The following FRMD4A variants were observed in gnomAD, a reference collection of about 807,000 sequenced individuals.
FRMD4A encodes the protein FERM domain containing 4A, also known as FERM domain-containing protein 4A.
A neutral mutation model predicts 129.1 loss-of-function variants in FRMD4A; 29 were observed. The observed-to-expected ratio is 0.22, with a 90% CI of 0.17 to 0.31. The LOEUF (loss-of-function observed/expected upper bound fraction) is 0.31. Ranked by LOEUF, FRMD4A falls within the 10% of genes least tolerant of loss-of-function variation. FRMD4A has a pLI of 1.00. For missense variants in FRMD4A, 1,272 were observed against 1,375.8 expected (o/e 0.92, Z 1.19); for synonymous variants, 634 against 571.6 (o/e 1.11, Z -1.56).
intron 2 of FRMD4A, among the ~76,000 whole-genome samples, chr10:14,024,801 A>G (rs1195796906): frequency 2.0e-5 from 3 of 152,246 alleles, no homozygotes; most frequent in African/African-American, 7.2e-5. Context: ...GGTGAAAGCA[A>G]GAGTGGGGAA....
Position 13,651,933 on chromosome 10 carries a change from G to A in FRMD4A, c.3092C>T (p.Ser1031Phe). 3 of 1,596,956 alleles carry A rather than the reference G, an allele frequency of 1.9e-6. No homozygotes were observed. Among genetic ancestry groups the A allele is most frequent in the Non-Finnish European group, 2.6e-6 (3 of 1,164,286 alleles). ...TTCATCAGTACTTTGGTGAGGTGGA[G>A]ACTCAGACCCATCCAGAATGGGTGA... ...ENSPILDGSE[S>F]PPHQSTDE The change falls in exon 24 of 25, where the codon TCT (serine) becomes TTT (phenylalanine). Residue 1031 changes from serine (S) to phenylalanine (F), a missense_variant. Ser to Phe is a radical substitution (Grantham distance 155). This residue lies in a region of FRMD4A where 972 missense variants were observed against 892.3 expected (regional missense o/e 1.09). Coordinates refer to ENST00000357447, the MANE Select transcript of FRMD4A (RefSeq NM_018027.5).
intron 2 of FRMD4A, among the ~76,000 whole-genome samples, chr10:13,977,728 A>C (rs4750441): frequency 6.6e-6 from 1 of 151,968 alleles, no homozygotes; most frequent in African/African-American, 2.4e-5. Context: ...TAGATTTGCC[A>C]CTTTTGGACA....
At chr10:14,121,148 A>C (rs1398692291) in intron 2 of FRMD4A, among the ~76,000 whole-genome samples, 1 of 152,060 alleles carries the variant, frequency 6.6e-6, no homozygotes, top group Non-Finnish European at 1.5e-5. Context: ...TGGGTGGATC[A>C]CCTGAGGTCA....
In FRMD4A at chr10:13,903,000, C is replaced by G. The variant is rs750131824; in HGVS notation, c.46-44088G>C. On this transcript the variant is annotated intron_variant, in intron 2 of 24. Coordinates refer to ENST00000357447, the MANE Select transcript of FRMD4A (RefSeq NM_018027.5). Reference sequence around the variant, plus strand: ...TTGATCCTGCTGATTGGAGCTTACACTCAGCACAATTTTCCTACCTCTTGG... The same window carrying G: ...TTGATCCTGCTGATTGGAGCTTACAGTCAGCACAATTTTCCTACCTCTTGG... Among the ~76,000 whole-genome samples the G allele has an allele frequency of 6.3e-4, 96 of 152,138 alleles. 3 individuals carry two copies. The highest frequency in any genetic ancestry group is 2.8e-4 in the Non-Finnish European group (19 of 68,034).
At chr10:14,159,547 G>A (rs1840771953) in intron 2 of FRMD4A, among the ~76,000 whole-genome samples, 1 of 152,118 alleles carries the variant, frequency 6.6e-6, no homozygotes, top group Admixed American at 6.5e-5. Context: ...TAATCATGAT[G>A]CTACTACCCA....
intron 2 of FRMD4A, among the ~76,000 whole-genome samples, chr10:14,000,639 G>A (rs1438094173): frequency 5.2e-4 from 4 of 7,748 alleles, no homozygotes; most frequent in Admixed American, 4.3e-3. Flanking sequence ...AGAGCAAGAC[G>A]CCACCTCAAA....
At chr10:13,838,509 T>C (rs1483227306) in intron 3 of FRMD4A, among the ~76,000 whole-genome samples, 3 of 151,854 alleles carry the variant, frequency 2.0e-5, no homozygotes, top group Non-Finnish European at 4.4e-5. Context: ...CCTTTTTTTT[T>C]TGAGATTGAG....
intron 2 of FRMD4A, among the ~76,000 whole-genome samples, chr10:14,201,716 G>A (rs1210061302): frequency 2.0e-5 from 3 of 152,322 alleles, no homozygotes; most frequent in Middle Eastern, 3.4e-3. Flanking sequence ...GGAGACCTGT[G>A]GTTGATGCTT....
intron 2 of FRMD4A, among the ~76,000 whole-genome samples, chr10:14,222,970 C>T (rs1004066661): frequency 2.0e-5 from 3 of 152,180 alleles, no homozygotes; most frequent in Non-Finnish European, 2.9e-5. Context: ...TGCCTATAAT[C>T]CCAGCTACTC....
At chr10:13,950,907 C>G (rs1261168784) in intron 2 of FRMD4A, among the ~76,000 whole-genome samples, 1 of 152,092 alleles carries the variant, frequency 6.6e-6, no homozygotes, top group Non-Finnish European at 1.5e-5. Context: ...ATTTGAGAGT[C>G]ACAGATAAGC....
intron 4 of FRMD4A, among the ~76,000 whole-genome samples, chr10:13,799,937 T>C (rs1256422420): frequency 6.6e-6 from 1 of 152,038 alleles, no homozygotes; most frequent in Non-Finnish European, 1.5e-5. Flanking sequence ...CCCAGCACTT[T>C]GGGAGGCTGA....
intron 2 of FRMD4A, among the ~76,000 whole-genome samples, chr10:13,939,159 G>C (rs1203259086): frequency 2.0e-5 from 3 of 152,224 alleles, no homozygotes; most frequent in Admixed American, 6.5e-5. Flanking sequence ...TTCAACGCCA[G>C]TACCAACCGT....
intron 2 of FRMD4A, among the ~76,000 whole-genome samples, chr10:14,320,571 C>A (rs923639336): frequency 3.9e-5 from 6 of 152,232 alleles, no homozygotes; most frequent in Admixed American, 3.9e-4. Context: ...CTGTCCCTGC[C>A]CCTGCCTCTG....
chr10:14,282,003 C>T (rs1301345171), intron 2 of FRMD4A, among the ~76,000 whole-genome samples: 1 of 152,034 alleles, frequency 6.6e-6, no homozygotes, highest in Non-Finnish European at 1.5e-5. Flanking sequence ...GCGGGGGAGG[C>T]CTCACAATCA....
intron 2 of FRMD4A, among the ~76,000 whole-genome samples, chr10:14,193,361 A>G (rs1842374727): frequency 2.6e-5 from 4 of 152,302 alleles, no homozygotes; most frequent in Admixed American, 2.6e-4. Context: ...TCGGGTCCAG[A>G]GACCTTGTCT....
At chr10:13,897,255 T>C (rs981325741) in intron 2 of FRMD4A, among the ~76,000 whole-genome samples, 2 of 152,260 alleles carry the variant, frequency 1.3e-5, no homozygotes, top group Admixed American at 6.5e-5. Flanking sequence ...GCCTTGTGTT[T>C]TGCTGTCCTT....
At chr10:14,074,439 C>T (rs1452230190) in intron 2 of FRMD4A, 1 of 152,180 alleles carries the variant, frequency 6.6e-6, no homozygotes, top group East Asian at 1.9e-4. Flanking sequence ...ACGATAAAAG[C>T]AACAGCAATC....
chr10:14,123,211 AC>A (rs1838636235), intron 2 of FRMD4A, among the ~76,000 whole-genome samples: 1 of 152,002 alleles, frequency 6.6e-6, no homozygotes, highest in Non-Finnish European at 1.5e-5. Context: ...CTGGAGCGAA[AC>A]TGTTGCAACA....
intron 15 of FRMD4A, chr10:13,685,379 A>G: frequency 1.0e-6 from 1 of 984,920 alleles, no homozygotes; most frequent in Non-Finnish European, 1.2e-6. Flanking sequence ...ATGGAAAAAA[A>G]TAACTGAACA....
Sources: allele counts gnomAD v4.1 joint callset (sites outside exome capture counted in the v4.1 genomes callset), GRCh38; gene constraint gnomAD v4.1.1; regional missense constraint gnomAD v4.1.1; transcripts MANE v1.5; gene names NCBI Gene and HGNC (gene_info 2026-07-23, HGNC 2026-07-21).